ACSM5: variants seen among roughly 807,000 people sequenced by gnomAD.
The protein encoded by ACSM5 is acyl-coenzyme A synthetase ACSM5, mitochondrial.
ACSM5 carries 56 observed loss-of-function variants against 71.6 expected under a neutral mutation model. The ratio of observed to expected loss-of-function variants is 0.78; its 90% CI spans 0.63 to 0.98. The LOEUF is 0.98. Among genes scored for constraint, ACSM5 ranks in the 50% least tolerant of loss-of-function variants. ACSM5 has a pLI of 0.00. For synonymous variants in ACSM5, 285 were observed against 281.5 expected (o/e 1.01, Z -0.12); for missense variants, 723 against 726.0 (o/e 1.00, Z 0.05).
chr16:20,418,340 G>A, intron 3 of ACSM5, 71 bp downstream of exon 3: 1 of 1,445,128 alleles, frequency 6.9e-7, no homozygotes, highest in African/African-American at 1.4e-5. Context: ...GTGTCCACAG[G>A]GTCTTGAAGA....
At chr16:20,422,077 T>A (rs947231092) in intron 5 of ACSM5, among the ~76,000 whole-genome samples, 2 of 152,148 alleles carry the variant, frequency 1.3e-5, no homozygotes, top group African/African-American at 4.8e-5. Context: ...TTCCATTGTA[T>A]GGATAGACCA....
At position 20,429,734 on chromosome 16, in the gene ACSM5, A is replaced by G. The variant is rs376693363; in HGVS notation, c.1058A>G (p.Asp353Gly). Residue 353 changes from aspartate to glycine, a missense_variant, in exon 8 of 14, where the codon GAC becomes GGC. Asp to Gly is a moderately conservative substitution (Grantham distance 94, BLOSUM62 -1). Coordinates refer to ENST00000331849, the MANE Select transcript of ACSM5 (RefSeq NM_017888.3). Reference protein sequence around the residue: ...CLTGGEALNPDVREKWKHQTG... With the variant: ...CLTGGEALNPGVREKWKHQTG... ...ACCGGAGGAGAGGCCCTCAACCCTG[A>G]CGTGAGGGAGAAGTGGAAACACCAG... 1.2e-6 allele frequency: 2 copies of G among 1,613,132 alleles called. No individual in the cohort carries two copies. Among genetic ancestry groups the G allele is most frequent in the Non-Finnish European group, 1.7e-6 (2 of 1,179,618 alleles).
intron 5 of ACSM5, among the ~76,000 whole-genome samples, chr16:20,421,719 T>C (rs1966886914): frequency 6.6e-6 from 1 of 150,484 alleles, no homozygotes; most frequent in Non-Finnish European, 1.5e-5. Context: ...ATCATAAATG[T>C]ACCCTTTTAA....
chr16:20,410,486 T>G (rs1966845527), intron 1 of ACSM5, among the ~76,000 whole-genome samples: 1 of 152,150 alleles, frequency 6.6e-6, no homozygotes, highest in African/African-American at 2.4e-5. Flanking sequence ...ATCCCAGCAC[T>G]TGGGAGGCCG....
intron 8 of ACSM5, 26 bp from the exon 9 acceptor site, chr16:20,430,967 C>T: frequency 3.2e-6 from 5 of 1,581,146 alleles, no homozygotes; most frequent in Non-Finnish European, 3.4e-6. Context: ...AAAGGCTCTT[C>T]TTTATCTGTA....
chr16:20,424,279 A>G (rs917745358), intron 6 of ACSM5, among the ~76,000 whole-genome samples: 5 of 152,048 alleles, frequency 3.3e-5, no homozygotes, highest in Non-Finnish European at 5.9e-5. Flanking sequence ...ATGTAAGACC[A>G]TTTTGTTGCT....
intron 5 of ACSM5, among the ~76,000 whole-genome samples, chr16:20,423,317 G>C (rs1966915586): frequency 6.6e-6 from 1 of 152,196 alleles, no homozygotes; most frequent in South Asian, 2.1e-4. Flanking sequence ...TGTCTTCCAT[G>C]TTTGCAGACA....
At chr16:20,427,706 C>T (rs1967010712) in intron 6 of ACSM5, 82 bp from the exon 7 acceptor site, 1 of 931,766 alleles carries the variant, frequency 1.1e-6, no homozygotes, top group Admixed American at 1.7e-5. Context: ...GGTACTGAGA[C>T]TATAAAGATG....
At position 20,440,428 on chromosome 16, in the gene ACSM5, G is replaced by T. The variant is rs150576376; in HGVS notation, c.*1G>T. The T allele has an allele frequency of 4.3e-4, 691 of 1,609,814 alleles. 14 individuals carry two copies. The highest frequency in any genetic ancestry group is 5.5e-4 in the Non-Finnish European group (651 of 1,176,472). On this transcript the variant is annotated 3_prime_UTR_variant, in exon 14 of 14. Coordinates refer to ENST00000331849, the MANE Select transcript of ACSM5 (RefSeq NM_017888.3). ...GCGAAGTCAGGAGTGGGGGAAATGA[G>T]GTGCACCCCAGGAAGGCCCCGTAGA...
At chr16:20,426,587 A>G (rs1966984961) in intron 6 of ACSM5, among the ~76,000 whole-genome samples, 1 of 152,242 alleles carries the variant, frequency 6.6e-6, no homozygotes, top group African/African-American at 2.4e-5. Context: ...AAAAGGAAGG[A>G]CATCTTGTTG....
In ACSM5 at chr16:20,424,024, T is replaced by C. The variant is rs1395028592; in HGVS notation, c.876T>C (p.Ile292=). ...LFSAWPNGSC[I]FVHELPRVDA... ...CTGCCTGGCCTAATGGATCTTGCAT[T>C]TTTGTGCATGAGCTGCCCCGAGTTG... Residue 292 remains isoleucine, a synonymous_variant, in exon 6 of 14, where the codon ATT becomes ATC. Coordinates refer to ENST00000331849, the MANE Select transcript of ACSM5 (RefSeq NM_017888.3). 5.6e-6 allele frequency: 9 copies of C among 1,614,012 alleles called. No individual in the cohort carries two copies. In the East Asian group the frequency reaches 1.8e-4, roughly 32 times the overall value.
rs368984470 is a variant in ACSM5, at chr16:20,431,330, C to T, written c.1308+9C>T. The T allele has an allele frequency of 4.4e-4, 705 of 1,606,352 alleles. No individual in the cohort carries two copies. Among genetic ancestry groups the T allele is most frequent in the Middle Eastern group, 9.9e-4 (6 of 6,044 alleles). Reference sequence around the variant, plus strand: ...TCTTCAATTGCTATTTGGTAAGAGACGGGGAACAGCCGTTCTCATGACAGT... The same window carrying T: ...TCTTCAATTGCTATTTGGTAAGAGATGGGGAACAGCCGTTCTCATGACAGT... On this transcript the variant is annotated intron_variant, in intron 10 of 13. Transcript: ENST00000331849.
chr16:20,419,441 T>C lies in ACSM5; in HGVS notation c.623+6T>C, dbSNP rs200884260. 4.1e-5 allele frequency: 66 copies of C among 1,613,630 alleles called. No homozygotes were observed. The highest frequency in any genetic ancestry group is 5.0e-5 in the Non-Finnish European group (59 of 1,179,726). ...AACTTCAGGGAACTCCTCCGGTGAATTGGGGCTCTCCAGAACAGCAGAAAA... is the reference window on the plus strand; with the variant it reads ...AACTTCAGGGAACTCCTCCGGTGAACTGGGGCTCTCCAGAACAGCAGAAAA... On this transcript the variant is annotated splice_donor_region_variant and intron_variant, in intron 4 of 13. Coordinates refer to ENST00000331849, the MANE Select transcript of ACSM5 (RefSeq NM_017888.3).
intron 10 of ACSM5, 69 bp downstream of exon 10, chr16:20,431,390 A>C (rs1385203462): frequency 8.0e-7 from 1 of 1,256,852 alleles, no homozygotes; most frequent in African/African-American, 1.5e-5. Flanking sequence ...CACACTTTGT[A>C]AATATCTATT....
In ACSM5 at chr16:20,421,300, A is replaced by G; in HGVS notation, c.666A>G (p.Arg222=). 6.2e-7 allele frequency: 1 copy of G among 1,607,622 alleles called. No homozygotes were observed. The highest frequency in any genetic ancestry group is 8.5e-7 in the Non-Finnish European group (1 of 1,176,438). ...ACAACTGCATGAGGACAAAGAGTCG[A>G]GACCCGCTGGCCATCTACTTTACCA... ...TEHNCMRTKS[R]DPLAIYFTSG... is the part of the protein sequence containing the mutation. Residue 222 remains arginine, a synonymous_variant, in exon 5 of 14, where the codon CGA becomes CGG. Coordinates refer to ENST00000331849, the MANE Select transcript of ACSM5 (RefSeq NM_017888.3).
Position 20,440,419 on chromosome 16 carries a change from G to C in ACSM5, c.1732G>C (p.Gly578Arg). ...QRSKLRSQEW[G>R]K ...GAGTAAATTGCGAAGTCAGGAGTGG[G>C]GGAAATGAGGTGCACCCCAGGAAGG... The change falls in exon 14 of 14, where the codon GGG (glycine) becomes CGG (arginine). Residue 578 changes from glycine to arginine, a missense_variant. Transcript: ENST00000331849. The C allele has an allele frequency of 6.2e-7, 1 of 1,610,344 alleles. No individual in the cohort carries two copies. The highest frequency in any genetic ancestry group is 8.5e-7 in the Non-Finnish European group (1 of 1,176,844).
intron 2 of ACSM5, among the ~76,000 whole-genome samples, chr16:20,413,273 T>C (rs567114923): frequency 3.3e-5 from 5 of 152,314 alleles, no homozygotes; most frequent in Non-Finnish European, 5.9e-5. Context: ...GAATAAGGAC[T>C]TTCCAGCTAT....
chr16:20,417,973 A>G (rs1966860558), intron 2 of ACSM5, 86 bp from the exon 3 acceptor site: 4 of 1,265,402 alleles, frequency 3.2e-6, no homozygotes, highest in Non-Finnish European at 4.4e-6. Context: ...TTTTATATTA[A>G]CTATTATAAA....
chr16:20,440,436 C>G lies in ACSM5; in HGVS notation c.*9C>G, dbSNP rs745357378. On this transcript the variant is annotated 3_prime_UTR_variant, in exon 14 of 14. Transcript: ENST00000331849. ...AGGAGTGGGGGAAATGAGGTGCACC[C>G]CAGGAAGGCCCCGTAGACCTCCGAA... 1 of 1,607,596 alleles carries G rather than the reference C, an allele frequency of 6.2e-7. No homozygotes were observed. The highest frequency in any genetic ancestry group is 2.2e-5 in the East Asian group (1 of 44,874).
Sources: gnomAD v4.1 joint callset for allele counts (sites outside exome capture counted in the v4.1 genomes callset) on GRCh38, gnomAD v4.1.1 for gene constraint, MANE v1.5 for transcripts, NCBI Gene and HGNC (gene_info 2026-07-23, HGNC 2026-07-21) for gene names.